IGF2BP3: variants seen among roughly 807,000 people sequenced by gnomAD.
IGF2BP3 encodes the protein insulin-like growth factor 2 mRNA-binding protein 3.
IGF2BP3 carries 9 observed loss-of-function variants against 73.8 expected under a neutral mutation model. The observed-to-expected ratio is 0.12, with a 90% confidence interval of 0.07 to 0.21. The LOEUF is 0.21. Among genes scored for constraint, IGF2BP3 ranks in the 10% least tolerant of loss-of-function variants. The pLI is 1.00. For missense variants in IGF2BP3, 542 were observed against 714.0 expected, an observed-to-expected ratio of 0.76 and a Z score of 2.75; for synonymous variants, 258 against 256.7, an observed-to-expected ratio of 1.01 and a Z score of -0.05.
chr7:23,451,855 G>T (rs1788206044), intron 2 of IGF2BP3, among the ~76,000 whole-genome samples: 1 of 151,158 alleles, frequency 6.6e-6, no homozygotes. Flanking sequence ...GGCTGAGGCA[G>T]GAGAATCACT....
Position 23,468,391 on chromosome 7 carries a change from A to AGGACAAG in IGF2BP3, c.236+90_236+91insCTTGTCC. The AGGACAAG allele has an allele frequency of 4.6e-6, 6 of 1,297,516 alleles. 1 individual carries two copies. The South Asian group carries it at 4.7e-5, about 10-fold the overall frequency. 80.4% of individuals were successfully genotyped at this position (1,297,516 alleles called of 1,614,324 possible). ...AACACCACGCCACACGGCAGGGGGT[A>AGGACAAG]AGCACCAGAGGACAAGAAGTTCTCA... On this transcript the variant is annotated intron_variant, in intron 2 of 14. Coordinates refer to ENST00000258729, the MANE Select transcript of IGF2BP3 (RefSeq NM_006547.3).
chr7:23,318,701 T>C (rs1310435259), intron 11 of IGF2BP3, among the ~76,000 whole-genome samples: 1 of 152,240 alleles, frequency 6.6e-6, no homozygotes, highest in Non-Finnish European at 1.5e-5. Flanking sequence ...GGCCAAGTTC[T>C]GGGCAATGGA....
intron 3 of IGF2BP3, among the ~76,000 whole-genome samples, chr7:23,393,811 C>T (rs916899235): frequency 2.6e-5 from 4 of 152,130 alleles, no homozygotes; most frequent in Admixed American, 6.5e-5. Flanking sequence ...AAGGATTCTG[C>T]GGCCTAATCT....
At chr7:23,378,552 C>A (rs1785801318) in intron 3 of IGF2BP3, among the ~76,000 whole-genome samples, 1 of 140,694 alleles carries the variant, frequency 7.1e-6, no homozygotes, top group Non-Finnish European at 1.5e-5. Flanking sequence ...ACCACCATGC[C>A]AGGCTAATTT....
chr7:23,312,474 G>C lies in IGF2BP3; in HGVS notation c.1642-14C>G, dbSNP rs201671879. ...TCTCTGGGCAACCTAGAAAAGGACA[G>C]AGCTTTGAAATTCCACTTGATCAAA... On this transcript the variant is annotated splice_polypyrimidine_tract_variant and intron_variant, in intron 14 of 14. Transcript: ENST00000258729. 5 of 1,576,572 alleles carry C rather than the reference G, an allele frequency of 3.2e-6. No individual in the cohort carries two copies. The highest frequency in any genetic ancestry group is 1.3e-5 in the African/African-American group (1 of 74,310).
At chr7:23,424,435 T>C (rs1251686302) in intron 2 of IGF2BP3, among the ~76,000 whole-genome samples, 8 of 151,988 alleles carry the variant, frequency 5.3e-5, no homozygotes, top group Non-Finnish European at 1.0e-4. Context: ...AGGCGGACAT[T>C]GCAGTGAGCC....
At chr7:23,355,990 C>T (rs549053184) in intron 5 of IGF2BP3, among the ~76,000 whole-genome samples, 10 of 150,200 alleles carry the variant, frequency 6.7e-5, no homozygotes, top group African/African-American at 2.2e-4. Flanking sequence ...GCTGAATGGG[C>T]CTCAATAGAG....
intron 3 of IGF2BP3, among the ~76,000 whole-genome samples, chr7:23,395,269 A>G (rs1786414819): frequency 6.6e-6 from 1 of 152,176 alleles, no homozygotes; most frequent in Non-Finnish European, 1.5e-5. Context: ...AACAACCTGA[A>G]CTATTTAAAG....
At chr7:23,377,206 G>A (rs1352763641) in intron 3 of IGF2BP3, among the ~76,000 whole-genome samples, 1 of 152,096 alleles carries the variant, frequency 6.6e-6, no homozygotes, top group Non-Finnish European at 1.5e-5. Flanking sequence ...GATAATGGGA[G>A]AAAATATTTG....
rs143958265 is a variant in IGF2BP3 at position 23,383,107 on chromosome 7, G to T, written c.286-21366C>A. On this transcript the variant is annotated intron_variant, in intron 3 of 14. Transcript: ENST00000258729. ...ACACACCTAAGCAAAGCCATGTGTG[G>T]AAACAATATAACTACATAGTATTAA... is the stretch of plus-strand genomic sequence containing the variant. 2.3e-3 allele frequency among the ~76,000 whole-genome samples: 353 copies of T among 151,920 alleles called. 1 individual carries two copies. Among genetic ancestry groups the T allele is most frequent in the Admixed American group, 4.0e-3 (61 of 15,236 alleles).
intron 3 of IGF2BP3, among the ~76,000 whole-genome samples, chr7:23,383,953 G>A (rs274026): frequency 8.6e-5 from 13 of 151,704 alleles, no homozygotes; most frequent in Admixed American, 3.9e-4. Flanking sequence ...AAACTTAGTC[G>A]GGCGTGGTGG....
intron 2 of IGF2BP3, among the ~76,000 whole-genome samples, chr7:23,451,661 C>T (rs1251635005): frequency 2.6e-5 from 4 of 151,986 alleles, no homozygotes; most frequent in Non-Finnish European, 4.4e-5. Flanking sequence ...CAGAATATAT[C>T]GTTAGGGCTG....
intron 3 of IGF2BP3, among the ~76,000 whole-genome samples, chr7:23,417,772 T>C (rs1486098153): frequency 1.3e-5 from 2 of 152,222 alleles, no homozygotes; most frequent in Non-Finnish European, 2.9e-5. Flanking sequence ...AATGTTAATC[T>C]AAAACAGGAA....
chr7:23,455,794 T>C (rs1240109185), intron 2 of IGF2BP3, among the ~76,000 whole-genome samples: 2 of 152,180 alleles, frequency 1.3e-5, no homozygotes, highest in African/African-American at 4.8e-5. Flanking sequence ...CGAGCCACTC[T>C]CCTGCCTCAG....
At chr7:23,359,578 G>A (rs1035507954) in intron 5 of IGF2BP3, among the ~76,000 whole-genome samples, 1 of 152,120 alleles carries the variant, frequency 6.6e-6, no homozygotes, top group Non-Finnish European at 1.5e-5. Context: ...CGGGTGCAGC[G>A]GCTCATGCCT....
intron 10 of IGF2BP3, among the ~76,000 whole-genome samples, chr7:23,325,074 C>A (rs1784257803): frequency 6.6e-6 from 1 of 151,668 alleles, no homozygotes; most frequent in Non-Finnish European, 1.5e-5. Flanking sequence ...CTGGCCAGGG[C>A]AATCAGGCAG....
chr7:23,373,977 C>T (rs1249658544), intron 3 of IGF2BP3, among the ~76,000 whole-genome samples: 1 of 152,258 alleles, frequency 6.6e-6, no homozygotes, highest in Non-Finnish European at 1.5e-5. Flanking sequence ...TGAGTAAATG[C>T]TTTCTGGGCC....
intron 10 of IGF2BP3, among the ~76,000 whole-genome samples, chr7:23,330,963 A>T (rs576841116): frequency 2.9e-3 from 445 of 151,870 alleles, no homozygotes; most frequent in Non-Finnish European, 5.3e-3. Context: ...ATGCCCGGCT[A>T]ATTTTTGTAT....
rs1788660550 is a variant in IGF2BP3, at chr7:23,469,651, C to T, written c.175+285G>A. 3 of 176,508 alleles carry T rather than the reference C, an allele frequency of 1.7e-5. No individual in the cohort carries two copies. Among genetic ancestry groups the T allele is most frequent in the Non-Finnish European group, 3.6e-5 (3 of 84,386 alleles). The allele number at this position is 176,508 out of a possible 1,614,324, so 10.9% of individuals were successfully genotyped here. ...GGGCCCGGGCGGGGCGCCGGGGGAG[C>T]GCGCCTCCCCCAGCCCCGCGCCCCC... On this transcript the variant is annotated intron_variant, in intron 1 of 14. Coordinates refer to ENST00000258729, the MANE Select transcript of IGF2BP3 (RefSeq NM_006547.3). This position sits in a 1 kb window ranked among gnomAD's most constrained non-coding sequence, Gnocchi z 6.1.
Sources: gnomAD v4.1 joint callset for allele counts (sites outside exome capture counted in the v4.1 genomes callset) on GRCh38, gnomAD v4.1.1 for gene constraint, Gnocchi (gnomAD v3.1) non-coding constraint, MANE v1.5 for transcripts, NCBI Gene and HGNC (gene_info 2026-07-23, HGNC 2026-07-21) for gene names.